Variants in ARHGEF3 observed in about 807,000 individuals in gnomAD.
ARHGEF3 encodes the protein Rho guanine nucleotide exchange factor 3, also known as 59.8 kDA protein.
Under a neutral mutation model 63.2 loss-of-function variants are expected in ARHGEF3, and 28 were observed. The ratio of observed to expected loss-of-function variants is 0.44; its 90% CI spans 0.33 to 0.61. The LOEUF is 0.61. Among genes scored for constraint, ARHGEF3 ranks in the 20% least tolerant of loss-of-function variants. The pLI, the probability that ARHGEF3 is intolerant of heterozygous loss-of-function variation, is 0.03. For missense variants in ARHGEF3, 533 were observed against 659.3 expected (o/e 0.81, Z 2.10); for synonymous variants, 266 against 254.2 (o/e 1.05, Z -0.44).
chr3:57,048,087 C>T (rs2107291379), intron 1 of ARHGEF3, among the ~76,000 whole-genome samples: 1 of 152,234 alleles, frequency 6.6e-6, no homozygotes, highest in Non-Finnish European at 1.5e-5. Flanking sequence ...CAGACACGCG[C>T]TGGCCTTCAG....
intron 9 of ARHGEF3, among the ~76,000 whole-genome samples, chr3:56,730,245 C>T (rs1323462985): frequency 1.3e-5 from 2 of 152,006 alleles, no homozygotes; most frequent in African/African-American, 4.8e-5. Context: ...TATCTATACA[C>T]TTAGTATCCA....
intron 2 of ARHGEF3, among the ~76,000 whole-genome samples, chr3:57,021,318 C>T (rs959353840): frequency 1.4e-5 from 1 of 70,488 alleles, no homozygotes; most frequent in Non-Finnish European, 3.0e-5. Context: ...AAACTTTTAA[C>T]AAAACAAGAA....
chr3:56,986,032 A>G lies in ARHGEF3; in HGVS notation c.63-27143T>C, dbSNP rs528379593. Among the ~76,000 whole-genome samples, 545 of 152,296 alleles carry G rather than the reference A, an allele frequency of 3.6e-3. 5 individuals are homozygous for G. The highest frequency in any genetic ancestry group is 0.013 in the African/African-American group (521 of 41,546). Reference sequence around the variant, plus strand: ...TACCAAACATCAATATAGTGCAGTCACAAACACCCCAGCACGCTGCACTCT... The same window carrying G: ...TACCAAACATCAATATAGTGCAGTCGCAAACACCCCAGCACGCTGCACTCT... On this transcript the variant is annotated intron_variant, in intron 2 of 12. Coordinates refer to the ARHGEF3 transcript ENST00000338458.
intron 2 of ARHGEF3, among the ~76,000 whole-genome samples, chr3:56,985,134 C>T (rs966361088): frequency 2.3e-4 from 35 of 152,242 alleles, no homozygotes; most frequent in African/African-American, 7.7e-4. Flanking sequence ...GTCGCCCAGG[C>T]GGGGAATGCA....
rs146008329 is a variant in ARHGEF3, at chr3:56,848,643, G to A, written c.192+33649C>T. 1.8e-3 allele frequency among the ~76,000 whole-genome samples: 273 copies of A among 152,214 alleles called. 1 individual carries two copies. The highest frequency in any genetic ancestry group is 6.4e-3 in the African/African-American group (267 of 41,532). On this transcript the variant is annotated intron_variant, in intron 4 of 12. Transcript: ENST00000338458. ...ATATACACCGTTGAACAATGGCCAC[G>A]CAACTCTCTCCCACTAAGACTTTAT...
At chr3:56,943,482 A>G (rs1247751652) in intron 3 of ARHGEF3, among the ~76,000 whole-genome samples, 2 of 152,212 alleles carry the variant, frequency 1.3e-5, no homozygotes, top group African/African-American at 4.8e-5. Context: ...GCTCACTGAC[A>G]ATGCATCTGG....
At chr3:56,843,440 T>C (rs1403825551) in intron 4 of ARHGEF3, among the ~76,000 whole-genome samples, 1 of 151,952 alleles carries the variant, frequency 6.6e-6, no homozygotes, top group African/African-American at 2.4e-5. Context: ...TGTAATTTTT[T>C]TTTTTTTATA....
intron 2 of ARHGEF3, among the ~76,000 whole-genome samples, chr3:57,026,201 A>G (rs753903506): frequency 1.1e-4 from 16 of 152,082 alleles, no homozygotes; most frequent in Non-Finnish European, 2.2e-4. Context: ...GGAGTTTGAG[A>G]CCAGCCTGGA....
At chr3:56,969,583 C>T (rs1700816315) in intron 2 of ARHGEF3, among the ~76,000 whole-genome samples, 1 of 151,730 alleles carries the variant, frequency 6.6e-6, no homozygotes, top group African/African-American at 2.4e-5. Context: ...CCATCCTGGC[C>T]AACATGGTGA....
At chr3:56,921,920 C>T (rs991694182) in intron 3 of ARHGEF3, among the ~76,000 whole-genome samples, 1 of 152,234 alleles carries the variant, frequency 6.6e-6, no homozygotes, top group African/African-American at 2.4e-5. Context: ...GATTGCTAGT[C>T]ATGGCTAATC....
chr3:56,974,658 C>G (rs539290865), intron 2 of ARHGEF3, among the ~76,000 whole-genome samples: 1 of 152,204 alleles, frequency 6.6e-6, no homozygotes, highest in Admixed American at 6.5e-5. Flanking sequence ...ATCGTTCTCC[C>G]TCTCCCCTCC....
At chr3:56,908,669 T>C (rs927692458) in intron 3 of ARHGEF3, among the ~76,000 whole-genome samples, 5 of 152,170 alleles carry the variant, frequency 3.3e-5, no homozygotes, top group Non-Finnish European at 5.9e-5. Context: ...GATCTAATTG[T>C]ATCTGCTTGG....
intron 1 of ARHGEF3, among the ~76,000 whole-genome samples, chr3:57,042,678 ATATATATATATATATATATATATTTTT>A (rs1288342663): frequency 3.8e-4 from 11 of 28,838 alleles, no homozygotes; most frequent in African/African-American, 3.0e-3. Flanking sequence ...ATATATATAT[ATATATATATATATATATATATATTTTT>A]TTTTTTTTTT....
At chr3:56,860,882 G>A (rs1459203898) in intron 4 of ARHGEF3, among the ~76,000 whole-genome samples, 1 of 152,192 alleles carries the variant, frequency 6.6e-6, no homozygotes, top group Non-Finnish European at 1.5e-5. Flanking sequence ...ATGGTCAGCT[G>A]TAAGGAAGAG....
chr3:56,964,130 T>A (rs573330689), intron 2 of ARHGEF3, among the ~76,000 whole-genome samples: 2 of 152,234 alleles, frequency 1.3e-5, no homozygotes, highest in East Asian at 3.9e-4. Flanking sequence ...GGCAGGCAGA[T>A]CACCTGAGGT....
chr3:56,750,958 AAAAAAT>A (rs2034704447), intron 6 of ARHGEF3, 92 bp downstream of exon 6: 7 of 900,310 alleles, frequency 7.8e-6, no homozygotes, highest in African/African-American at 3.5e-5. Flanking sequence ...AACATTTGTA[AAAAAAT>A]AAAAATAAAA....
At chr3:56,880,295 T>C (rs1163174555) in intron 4 of ARHGEF3, among the ~76,000 whole-genome samples, 1 of 152,092 alleles carries the variant, frequency 6.6e-6, no homozygotes, top group Non-Finnish European at 1.5e-5. Flanking sequence ...AAACATAACA[T>C]ATGAGATGGT....
In ARHGEF3 at chr3:57,065,745, T is replaced by C. The variant is rs577501370; in HGVS notation, c.-28+13481A>G. Among the ~76,000 whole-genome samples the C allele has an allele frequency of 6.1e-4, 93 of 152,258 alleles. 3 individuals are homozygous for C. In the South Asian group the frequency reaches 0.018, roughly 29 times the overall value. ...TCTGTGGCCAGTGACCCACCACAGC[T>C]AGGTGGTAGCCTGCGGAACAGGAGA... On this transcript the variant is annotated intron_variant, in intron 1 of 12. Coordinates refer to the ARHGEF3 transcript ENST00000338458.
chr3:56,953,762 T>C (rs1385604544), intron 3 of ARHGEF3, among the ~76,000 whole-genome samples: 1 of 152,236 alleles, frequency 6.6e-6, no homozygotes, highest in Non-Finnish European at 1.5e-5. Context: ...TCTGGAAATG[T>C]GTGGCCATTT....
Sources: gnomAD v4.1 joint callset for allele counts (sites outside exome capture counted in the v4.1 genomes callset) on GRCh38, gnomAD v4.1.1 for gene constraint, MANE v1.5 for transcripts, NCBI Gene and HGNC (gene_info 2026-07-23, HGNC 2026-07-21) for gene names.